Variants in SOS1 observed in about 807,000 individuals in gnomAD.
The protein encoded by SOS1 is son of sevenless homolog 1.
A neutral mutation model predicts 157.6 loss-of-function variants in SOS1; 25 were observed. That is an observed-to-expected ratio of 0.16 (90% CI 0.12 to 0.22). The LOEUF (loss-of-function observed/expected upper bound fraction) is 0.22. Among genes scored for constraint, SOS1 ranks in the 10% least tolerant of loss-of-function variants. The pLI is 1.00. For missense variants in SOS1, 1,237 were observed against 1,599.1 expected, an observed-to-expected ratio of 0.77 and a Z score of 3.86; for synonymous variants, 528 against 534.0, an observed-to-expected ratio of 0.99 and a Z score of 0.16.
At chr2:39,002,454 A>G (rs1669134399) in intron 17 of SOS1, among the ~76,000 whole-genome samples, 1 of 152,124 alleles carries the variant, frequency 6.6e-6, no homozygotes, top group Non-Finnish European at 1.5e-5. Context: ...CCAAATAGTG[A>G]GTCAGTGAAT....
intron 8 of SOS1, 55 bp from the exon 9 acceptor site, chr2:39,024,192 T>C: frequency 1.4e-6 from 2 of 1,403,480 alleles, no homozygotes; most frequent in East Asian, 2.3e-5. Flanking sequence ...GATAAAATAA[T>C]AATAAACTCA....
intron 1 of SOS1, among the ~76,000 whole-genome samples, chr2:39,117,281 C>T (rs984256253): frequency 3.3e-5 from 5 of 152,120 alleles, no homozygotes; most frequent in Non-Finnish European, 5.9e-5. Context: ...GCCCACCTTG[C>T]TCTCCCAAAG....
chr2:39,058,544 G>A lies in SOS1; in HGVS notation c.345+129C>T, dbSNP rs377187845. The A allele has an allele frequency of 1.0e-3, 1,003 of 956,090 alleles. 13 individuals carry two copies. In the South Asian group the frequency reaches 0.011, roughly 11 times the overall value. 59.2% of individuals were successfully genotyped at this position (956,090 alleles called of 1,614,324 possible). On this transcript the variant is annotated intron_variant, in intron 3 of 22. Transcript: ENST00000402219. ...ATCCCTTCTCACCACATAAATCTCT[G>A]GAAAACTTAGAATGAGAGAATTTTA...
chr2:39,088,339 T>C (rs185332168), intron 1 of SOS1, among the ~76,000 whole-genome samples: 29 of 149,736 alleles, frequency 1.9e-4, no homozygotes, highest in Non-Finnish European at 5.9e-5. Flanking sequence ...TGTGGTAAAA[T>C]ACACACAACA....
chr2:39,012,647 C>T (rs1328521503), intron 13 of SOS1, among the ~76,000 whole-genome samples: 1 of 152,028 alleles, frequency 6.6e-6, no homozygotes, highest in Non-Finnish European at 1.5e-5. Context: ...TTGTTCTGAT[C>T]TTCAGTTTAA....
At chr2:39,046,351 A>G (rs1015554285) in intron 6 of SOS1, among the ~76,000 whole-genome samples, 1 of 152,130 alleles carries the variant, frequency 6.6e-6, no homozygotes, top group Non-Finnish European at 1.5e-5. Flanking sequence ...CATACTGTAT[A>G]TTTTGTTACT....
At chr2:39,056,988 C>T in intron 3 of SOS1, 122 bp from the exon 4 acceptor site, 1 of 721,456 alleles carries the variant, frequency 1.4e-6, no homozygotes, top group East Asian at 2.5e-5. Context: ...CTGTGCTTAC[C>T]AACAACATTT....
chr2:39,123,753 T>C (rs1296495470), upstream of SOS1, among the ~76,000 whole-genome samples: 2 of 152,196 alleles, frequency 1.3e-5, no homozygotes, highest in East Asian at 3.8e-4. Context: ...ATAAATATTG[T>C]CGAAGGAATA....
At chr2:39,110,101 C>T (rs1410636213) in intron 1 of SOS1, among the ~76,000 whole-genome samples, 5 of 144,730 alleles carry the variant, frequency 3.5e-5, no homozygotes, top group African/African-American at 5.3e-5. Context: ...TGTATATAGT[C>T]ATCCCTCGGT....
chr2:39,061,605 T>C (rs1270746407), intron 2 of SOS1, among the ~76,000 whole-genome samples: 1 of 152,136 alleles, frequency 6.6e-6, no homozygotes. Flanking sequence ...CAGGCTGCTC[T>C]GGAACTCCTG....
At chr2:39,121,238 G>T (rs1294961970), upstream of SOS1, among the ~76,000 whole-genome samples, 1 of 152,178 alleles carries the variant, frequency 6.6e-6, no homozygotes, top group Non-Finnish European at 1.5e-5. Context: ...GCAAAGTGGG[G>T]CCTGCAAGGG....
Position 39,007,974 on chromosome 2 carries a change from C to T in SOS1, c.2511-781G>A, listed in dbSNP as rs141591307. On this transcript the variant is annotated intron_variant, in intron 15 of 22. Transcript: ENST00000402219. Reference sequence around the variant, plus strand: ...TGTGGTATTTGAACCAAGACTGGTCCCTCCCTTCTTTCTCCCAGCTCAGTG... The same window carrying T: ...TGTGGTATTTGAACCAAGACTGGTCTCTCCCTTCTTTCTCCCAGCTCAGTG... 2.3e-3 allele frequency among the ~76,000 whole-genome samples: 352 copies of T among 152,092 alleles called. 1 individual carries two copies. Among genetic ancestry groups the T allele is most frequent in the African/African-American group, 8.1e-3 (337 of 41,472 alleles).
At chr2:39,064,966 C>G (rs1474242714) in intron 2 of SOS1, among the ~76,000 whole-genome samples, 3 of 151,038 alleles carry the variant, frequency 2.0e-5, no homozygotes, top group Non-Finnish European at 4.4e-5. Context: ...CCATGTTAAC[C>G]AGGCTGTTCT....
At chr2:39,013,799 C>T in intron 12 of SOS1, 68 bp downstream of exon 12, 1 of 1,372,566 alleles carries the variant, frequency 7.3e-7, no homozygotes, top group Admixed American at 1.7e-5. Flanking sequence ...GGGAAAGGTC[C>T]TTATATACTT....
At chr2:39,066,356 A>G (rs1278900596) in intron 2 of SOS1, among the ~76,000 whole-genome samples, 1 of 152,226 alleles carries the variant, frequency 6.6e-6, no homozygotes. Flanking sequence ...AAAGTCACAG[A>G]AACCCAAAGA....
Position 39,068,951 on chromosome 2 carries a change from G to A in SOS1, c.88-1198C>T, listed in dbSNP as rs181234692. ...GGTAGGGCACTTACTGGATGAAAGT[G>A]CACAGTACTCACTGGCTCAGAGCAC... is the stretch of plus-strand genomic sequence containing the variant. On this transcript the variant is annotated intron_variant, in intron 1 of 22. Transcript: ENST00000402219. 3.3e-5 allele frequency among the ~76,000 whole-genome samples: 5 copies of A among 152,184 alleles called. No individual in the cohort carries two copies. In the East Asian group the frequency reaches 7.7e-4, roughly 24 times the overall value.
chr2:39,114,161 T>C (rs959849284), intron 1 of SOS1, among the ~76,000 whole-genome samples: 4 of 152,186 alleles, frequency 2.6e-5, no homozygotes, highest in Non-Finnish European at 5.9e-5. Flanking sequence ...AATGGCACGA[T>C]CATGGCTCAC....
At chr2:39,121,277 C>T (rs757185531), upstream of SOS1, among the ~76,000 whole-genome samples, 160 of 152,192 alleles carry the variant, frequency 1.1e-3, 1 homozygote, top group Admixed American at 4.7e-3. Context: ...AAGAGGCTCC[C>T]CATTGTGTGG....
chr2:39,009,985 G>A (rs1156717853), intron 15 of SOS1, among the ~76,000 whole-genome samples: 1 of 152,070 alleles, frequency 6.6e-6, no homozygotes, highest in Non-Finnish European at 1.5e-5. Context: ...GCAAAAGAAA[G>A]GAGGAATAGA....
Sources: gnomAD v4.1 joint callset for allele counts (sites outside exome capture counted in the v4.1 genomes callset) on GRCh38, gnomAD v4.1.1 for gene constraint, MANE v1.5 for transcripts, NCBI Gene and HGNC (gene_info 2026-07-23, HGNC 2026-07-21) for gene names.